Variants in GABPB1 observed in about 807,000 individuals in gnomAD.
The protein encoded by GABPB1 is GA binding protein transcription factor subunit beta 1.
In GABPB1, 15 loss-of-function variants were observed where a neutral mutation model predicts 45.9. The observed-to-expected ratio is 0.33, with a 90% CI of 0.22 to 0.50. GABPB1 has a LOEUF of 0.50. Ranked by LOEUF, GABPB1 falls within the 20% of genes least tolerant of loss-of-function variation. The pLI, the probability that GABPB1 is intolerant of heterozygous loss-of-function variation, is 0.98. For missense variants in GABPB1, 252 were observed against 457.5 expected (o/e 0.55, Z 4.10); for synonymous variants, 143 against 154.4 (o/e 0.93, Z 0.55).
intron 1 of GABPB1, chr15:50,314,489 T>C (rs916294737): frequency 6.6e-6 from 1 of 152,460 alleles, no homozygotes; most frequent in African/African-American, 2.4e-5. Flanking sequence ...GGCCGCCATA[T>C]GGTAGATTAA....
chr15:50,315,937 G>A (rs2047310724), intron 1 of GABPB1, among the ~76,000 whole-genome samples: 1 of 152,068 alleles, frequency 6.6e-6, no homozygotes, highest in Admixed American at 6.6e-5. Flanking sequence ...AAAATTAGCT[G>A]GGTGTGGTCC....
Position 50,275,925 on chromosome 15 carries a change from A to G in GABPB1, c.*2707T>C, listed in dbSNP as rs1276746846. On this transcript the variant is annotated 3_prime_UTR_variant, in exon 9 of 9. Transcript: ENST00000380877. ...ATAATTCTAGAGGTCCAGGGACTAT[A>G]CAGAGGGAAGTGTTAAATCTGAATA... is the stretch of plus-strand genomic sequence containing the variant. 1 of 152,262 alleles carries G rather than the reference A, an allele frequency of 6.6e-6. No homozygotes were observed. Among genetic ancestry groups the G allele is most frequent in the African/African-American group, 2.4e-5 (1 of 41,468 alleles). 9.4% of individuals were successfully genotyped at this position (152,262 alleles called of 1,614,324 possible). A position where few individuals can be genotyped will look rare whatever the true frequency, so the allele number is the denominator to read the frequency against.
intron 7 of GABPB1, among the ~76,000 whole-genome samples, chr15:50,288,299 T>A (rs1487222717): frequency 1.3e-5 from 2 of 152,172 alleles, no homozygotes; most frequent in Admixed American, 6.5e-5. Context: ...CAAGCAATCA[T>A]CCCACCTTAG....
Position 50,301,281 on chromosome 15 carries a change from G to A in GABPB1, c.559C>T (p.Pro187Ser). The A allele has an allele frequency of 6.2e-7, 1 of 1,614,014 alleles. No individual in the cohort carries two copies. Among genetic ancestry groups the A allele is most frequent in the South Asian group, 1.1e-5 (1 of 91,082 alleles). ...CCTGTTAGGTTCACCACCCCTCCAG[G>A]TCCAATGATAAACTGTGGTGTTGCA... ...HAATPQFIIGPGGVVNLTDET... is the reference protein window; with the variant it reads ...HAATPQFIIGSGGVVNLTDET... Residue 187 changes from proline (P) to serine (S), a missense_variant, in exon 5 of 9, where the codon CCT becomes TCT. Physicochemically the swap from Pro to Ser is moderately conservative, Grantham distance 74. Coordinates refer to ENST00000380877, the MANE Select transcript of GABPB1 (RefSeq NM_016654.5).
At chr15:50,306,757 T>TA (rs1192528818) in intron 2 of GABPB1, among the ~76,000 whole-genome samples, 2 of 152,234 alleles carry the variant, frequency 1.3e-5, no homozygotes, top group Non-Finnish European at 1.5e-5. Context: ...CACTTATCCC[T>TA]AAAAAATATA....
intron 1 of GABPB1, among the ~76,000 whole-genome samples, chr15:50,340,547 CA>C (rs397853899): frequency 0.19 from 21,052 of 108,008 alleles, 1,154 homozygotes; most frequent in East Asian, 0.42. Context: ...CTATAATCAC[CA>C]AAAAAAAAAA....
intron 7 of GABPB1, among the ~76,000 whole-genome samples, 162 bp from the exon 8 acceptor site, chr15:50,286,345 CT>C (rs2046153954): frequency 6.6e-6 from 1 of 151,826 alleles, no homozygotes; most frequent in Non-Finnish European, 1.5e-5. Flanking sequence ...CCATATTTGT[CT>C]TTTTTATTAC....
intron 6 of GABPB1, 99 bp downstream of exon 6, chr15:50,300,690 C>T (rs2046708817): frequency 1.4e-6 from 1 of 706,746 alleles, no homozygotes; most frequent in Admixed American, 2.1e-5. Flanking sequence ...GGCAATCCAC[C>T]CGCCTCGCCC....
chr15:50,336,537 G>A (rs1437903432), intron 1 of GABPB1, among the ~76,000 whole-genome samples: 1 of 151,702 alleles, frequency 6.6e-6, no homozygotes, highest in Non-Finnish European at 1.5e-5. Flanking sequence ...TTTTTAATTA[G>A]CCAGGCATGG....
intron 8 of GABPB1, among the ~76,000 whole-genome samples, chr15:50,282,883 C>T (rs142844648): frequency 8.1e-4 from 124 of 152,182 alleles, no homozygotes; most frequent in African/African-American, 2.8e-3. Context: ...GGTAAAACCC[C>T]GTCTCTACCA....
chr15:50,338,468 T>G (rs976946080), intron 1 of GABPB1, among the ~76,000 whole-genome samples: 1 of 152,172 alleles, frequency 6.6e-6, no homozygotes, highest in African/African-American at 2.4e-5. Flanking sequence ...TGTTATAAAC[T>G]TCCCTAAACT....
At chr15:50,308,099 T>C (rs1267197768) in intron 2 of GABPB1, among the ~76,000 whole-genome samples, 1 of 152,240 alleles carries the variant, frequency 6.6e-6, no homozygotes. Context: ...ATAGGTCTGC[T>C]TCTGTTGACA....
At chr15:50,280,431 G>A (rs775003928) in intron 8 of GABPB1, among the ~76,000 whole-genome samples, 1 of 152,212 alleles carries the variant, frequency 6.6e-6, no homozygotes, top group African/African-American at 2.4e-5. Context: ...TCTGGCAGGA[G>A]TGTCCACAGC....
chr15:50,321,430 T>C (rs559794841), intron 1 of GABPB1, among the ~76,000 whole-genome samples: 43 of 152,320 alleles, frequency 2.8e-4, no homozygotes, highest in Non-Finnish European at 5.4e-4. Flanking sequence ...CCTTCTAGGA[T>C]AACTTTCTTT....
chr15:50,324,253 G>A (rs993851995), intron 1 of GABPB1, among the ~76,000 whole-genome samples: 5 of 152,012 alleles, frequency 3.3e-5, no homozygotes, highest in Middle Eastern at 3.2e-3. Context: ...CAAGCGCCAG[G>A]CCAACAGTAA....
chr15:50,312,986 T>C (rs1456257253), intron 1 of GABPB1, among the ~76,000 whole-genome samples: 7 of 152,198 alleles, frequency 4.6e-5, no homozygotes, highest in African/African-American at 1.7e-4. Flanking sequence ...TTATGTTCTT[T>C]CTTTGATAAC....
intron 1 of GABPB1, among the ~76,000 whole-genome samples, chr15:50,334,319 T>A (rs76612736): frequency 0.02 from 3,057 of 152,066 alleles, 103 homozygotes; most frequent in African/African-American, 0.071. Context: ...TCTCACTCTA[T>A]CCCCATATCT....
intron 7 of GABPB1, among the ~76,000 whole-genome samples, chr15:50,289,053 TAAG>T (rs2046259637): frequency 6.6e-6 from 1 of 152,182 alleles, no homozygotes; most frequent in African/African-American, 2.4e-5. Flanking sequence ...AACTTCTTTT[TAAG>T]TAGCTTTTTC....
intron 6 of GABPB1, among the ~76,000 whole-genome samples, chr15:50,295,205 G>A (rs1268759836): frequency 6.6e-6 from 1 of 152,010 alleles, no homozygotes; most frequent in Non-Finnish European, 1.5e-5. Context: ...CTCTTCCCTG[G>A]TTGACTGCAT....
Sources: gnomAD v4.1 joint callset for allele counts (sites outside exome capture counted in the v4.1 genomes callset) on GRCh38, gnomAD v4.1.1 for gene constraint, MANE v1.5 for transcripts, NCBI Gene and HGNC (gene_info 2026-07-23, HGNC 2026-07-21) for gene names.